Variants in CHN1 observed in about 807,000 individuals in gnomAD.
The protein encoded by CHN1 is N-chimaerin.
In CHN1, 37 loss-of-function variants were observed where a neutral mutation model predicts 59.5. That is an observed-to-expected ratio of 0.62 (90% CI 0.48 to 0.82). The LOEUF is 0.82. Ranked by LOEUF, CHN1 falls within the 40% of genes least tolerant of loss-of-function variation. CHN1 has a pLI of 0.00. For missense variants in CHN1, 469 were observed against 571.0 expected (o/e 0.82, Z 1.82); for synonymous variants, 206 against 200.4 (o/e 1.03, Z -0.24).
At chr2:174,807,446 C>CTGTG (rs71031071) in intron 11 of CHN1, among the ~76,000 whole-genome samples, 3,659 of 83,750 alleles carry the variant, frequency 0.044, 302 homozygotes, top group Non-Finnish European at 0.051. Context: ...CACGGGCTAT[C>CTGTG]TGTGTGTGTG....
intron 5 of CHN1, among the ~76,000 whole-genome samples, chr2:174,896,063 A>T (rs996935403): frequency 3.7e-4 from 56 of 151,994 alleles, no homozygotes; most frequent in African/African-American, 1.2e-3. Context: ...TTGGGCTTCA[A>T]TTTTTTTAAA....
At chr2:174,857,153 A>C (rs954301932) in intron 6 of CHN1, among the ~76,000 whole-genome samples, 2 of 152,152 alleles carry the variant, frequency 1.3e-5, no homozygotes, top group African/African-American at 2.4e-5. Flanking sequence ...GTGGGAATGG[A>C]ATTGGAGCAA....
intron 4 of CHN1, among the ~76,000 whole-genome samples, chr2:174,917,199 G>T (rs1020567975): frequency 6.6e-6 from 1 of 152,170 alleles, no homozygotes; most frequent in South Asian, 2.1e-4. Flanking sequence ...TTGGGAAGCT[G>T]AGACGGGTGG....
At chr2:174,975,632 C>G (rs1484744301) in intron 1 of CHN1, among the ~76,000 whole-genome samples, 7 of 149,312 alleles carry the variant, frequency 4.7e-5, no homozygotes, top group Admixed American at 4.0e-4. Flanking sequence ...TAAATTTTAG[C>G]CAGGCAAAAA....
chr2:174,925,984 A>G (rs1368881955), intron 3 of CHN1, among the ~76,000 whole-genome samples: 3 of 152,244 alleles, frequency 2.0e-5, no homozygotes, highest in African/African-American at 7.2e-5. Flanking sequence ...TTCTGTTAAC[A>G]ATAGCATGGT....
At position 174,876,270 on chromosome 2, in the gene CHN1, G is replaced by A. The variant is rs147811697; in HGVS notation, c.549+1570C>T. ...AAAGTCCCTTGGTGTTGGAAAGCAC[G>A]TTCAGAATGCATTAACAAAGGTTTT... On this transcript the variant is annotated intron_variant, in intron 6 of 12. Coordinates refer to ENST00000409900, the MANE Select transcript of CHN1 (RefSeq NM_001822.7). Among the ~76,000 whole-genome samples the A allele has an allele frequency of 3.7e-4, 57 of 152,328 alleles. No individual in the cohort carries two copies. The East Asian group carries it at 4.8e-3, about 13-fold the overall frequency.
intron 5 of CHN1, among the ~76,000 whole-genome samples, chr2:174,890,664 A>T (rs1021753335): frequency 3.3e-5 from 5 of 152,204 alleles, no homozygotes; most frequent in African/African-American, 1.2e-4. Context: ...TTTAATAATG[A>T]GTAGAAAAAC....
intron 6 of CHN1, among the ~76,000 whole-genome samples, chr2:174,864,641 C>T (rs911345002): frequency 6.6e-6 from 1 of 152,072 alleles, no homozygotes; most frequent in Admixed American, 6.6e-5. Context: ...GAGGCTGAGG[C>T]GGGCAGACTG....
Position 174,986,685 on chromosome 2 carries a change from C to T in CHN1, c.19+18209G>A, listed in dbSNP as rs556499367. Among the ~76,000 whole-genome samples the T allele has an allele frequency of 2.6e-5, 4 of 152,314 alleles. No homozygotes were observed. In the East Asian group the frequency reaches 7.7e-4, roughly 29 times the overall value. ...AACATGAAGACAACAAAGATGAAGA[C>T]ATTTACAACGATCCACATATTTTCA... On this transcript the variant is annotated intron_variant, in intron 1 of 12. Transcript: ENST00000409900.
Position 174,927,805 on chromosome 2 carries a change from T to A in CHN1, c.115-9240A>T, listed in dbSNP as rs1427809811. 2.6e-5 allele frequency among the ~76,000 whole-genome samples: 4 copies of A among 152,336 alleles called. No homozygotes were observed. In the East Asian group the frequency reaches 7.7e-4, roughly 29 times the overall value. On this transcript the variant is annotated intron_variant, in intron 3 of 12. Transcript: ENST00000409900. ...TTCACCCTGTGAAAAATGATACACA[T>A]AGGCAGGCAATTTAGCATTTTAAAC...
chr2:174,923,911 T>TAA (rs1472833101), intron 3 of CHN1, among the ~76,000 whole-genome samples: 16 of 152,346 alleles, frequency 1.1e-4, no homozygotes, highest in Admixed American at 5.9e-4. Flanking sequence ...TTTTTATATA[T>TAA]AATGAGCACT....
At chr2:174,865,828 C>A (rs1443308402) in intron 6 of CHN1, among the ~76,000 whole-genome samples, 1 of 152,078 alleles carries the variant, frequency 6.6e-6, no homozygotes, top group Non-Finnish European at 1.5e-5. Context: ...AATCTTTAAT[C>A]GGAAAAACCT....
At chr2:174,980,799 T>C (rs1481476328) in intron 1 of CHN1, among the ~76,000 whole-genome samples, 1 of 152,174 alleles carries the variant, frequency 6.6e-6, no homozygotes, top group African/African-American at 2.4e-5. Context: ...TAGAAATACC[T>C]GAGGAAAAAC....
intron 1 of CHN1, among the ~76,000 whole-genome samples, chr2:174,965,428 C>T (rs2105431409): frequency 6.6e-6 from 1 of 152,130 alleles, no homozygotes; most frequent in African/African-American, 2.4e-5. Flanking sequence ...CTAGAACAGA[C>T]TAGAATGTTA....
intron 5 of CHN1, among the ~76,000 whole-genome samples, chr2:174,902,968 A>T (rs1688435871): frequency 6.6e-6 from 1 of 152,184 alleles, no homozygotes; most frequent in South Asian, 2.1e-4. Context: ...TACATTTTTT[A>T]CTTCAGTGCA....
chr2:174,949,436 C>T (rs1355270162), intron 2 of CHN1, among the ~76,000 whole-genome samples: 11 of 152,146 alleles, frequency 7.2e-5, no homozygotes, highest in African/African-American at 2.7e-4. Flanking sequence ...CTCCCACCTC[C>T]ACCTCCCAAG....
At chr2:174,884,162 G>T (rs571501598) in intron 5 of CHN1, among the ~76,000 whole-genome samples, 2 of 151,518 alleles carry the variant, frequency 1.3e-5, no homozygotes, top group African/African-American at 2.4e-5. Flanking sequence ...TAGTAGAGAC[G>T]GGGTTTCACC....
At chr2:174,825,740 T>C (rs1239566035) in intron 7 of CHN1, among the ~76,000 whole-genome samples, 1 of 152,222 alleles carries the variant, frequency 6.6e-6, no homozygotes, top group Admixed American at 6.5e-5. Context: ...GATTGTCATT[T>C]TTACAATTGC....
At chr2:174,828,777 G>C (rs1685777261) in intron 7 of CHN1, among the ~76,000 whole-genome samples, 3 of 152,172 alleles carry the variant, frequency 2.0e-5, no homozygotes. Context: ...GGCCTGGAAG[G>C]GTTCACAAGG....
Sources: allele counts gnomAD v4.1 joint callset (sites outside exome capture counted in the v4.1 genomes callset), GRCh38; gene constraint gnomAD v4.1.1; transcripts MANE v1.5; gene names NCBI Gene and HGNC (gene_info 2026-07-23, HGNC 2026-07-21).